The following CCDC91 variants were observed in gnomAD, a reference collection of about 807,000 sequenced individuals.
CCDC91 encodes the protein coiled-coil domain containing 91.
In CCDC91, 48 loss-of-function variants were observed where a neutral mutation model predicts 63.2. The ratio of observed to expected loss-of-function variants is 0.76; its 90% CI spans 0.60 to 0.97. CCDC91 has a LOEUF of 0.97. Ranked by LOEUF, CCDC91 falls within the 50% of genes least tolerant of loss-of-function variation. CCDC91 has a pLI of 0.00. For missense variants in CCDC91, 500 were observed against 494.6 expected (o/e 1.01, Z -0.10); for synonymous variants, 167 against 165.8 (o/e 1.01, Z -0.06).
chr12:28,518,153 A>G (rs1032768082), intron 12 of CCDC91, among the ~76,000 whole-genome samples: 1 of 151,984 alleles, frequency 6.6e-6, no homozygotes, highest in African/African-American at 2.4e-5. Context: ...GATACCCAGT[A>G]GTGGGATTGC....
intron 1 of CCDC91, among the ~76,000 whole-genome samples, chr12:28,202,500 C>T (rs1942535711): frequency 6.6e-6 from 1 of 152,158 alleles, no homozygotes. Flanking sequence ...TTATGTGTGG[C>T]CACCAAAGTC....
intron 3 of CCDC91, among the ~76,000 whole-genome samples, chr12:28,299,402 C>T (rs1439797542): frequency 6.6e-6 from 1 of 151,234 alleles, no homozygotes; most frequent in Non-Finnish European, 1.5e-5. Flanking sequence ...ATACTATGTC[C>T]CAAAGTAACT....
intron 12 of CCDC91, among the ~76,000 whole-genome samples, chr12:28,510,257 G>GTGTGTGTGTGTGTA (rs1481930938): frequency 6.6e-6 from 1 of 150,798 alleles, no homozygotes; most frequent in African/African-American, 2.5e-5. Flanking sequence ...GTGTGTGTGT[G>GTGTGTGTGTGTGTA]TAGAAAGAGA....
intron 1 of CCDC91, among the ~76,000 whole-genome samples, chr12:28,215,181 T>C (rs1451823176): frequency 6.6e-6 from 1 of 152,192 alleles, no homozygotes; most frequent in African/African-American, 2.4e-5. Context: ...TTGGCTTTTC[T>C]AGTTCTCAGG....
chr12:28,252,697 T>C (rs1289680799), intron 1 of CCDC91, among the ~76,000 whole-genome samples: 1 of 152,140 alleles, frequency 6.6e-6, no homozygotes, highest in Admixed American at 6.6e-5. Context: ...CTTTCTTGGA[T>C]AGTCTTTGTT....
intron 11 of CCDC91, among the ~76,000 whole-genome samples, chr12:28,463,448 C>T (rs1413482707): frequency 2.6e-5 from 4 of 152,140 alleles, no homozygotes; most frequent in Non-Finnish European, 2.9e-5. Flanking sequence ...GGAAGATGAA[C>T]TGGACAGCCT....
intron 10 of CCDC91, 71 bp from the exon 11 acceptor site, chr12:28,452,407 A>G: frequency 2.8e-6 from 3 of 1,083,732 alleles, no homozygotes; most frequent in Non-Finnish European, 4.0e-6. Context: ...CTTTTAGGTT[A>G]ACCAAGTCTG....
At chr12:28,522,552 G>T (rs537481020) in intron 12 of CCDC91, among the ~76,000 whole-genome samples, 1 of 152,100 alleles carries the variant, frequency 6.6e-6, no homozygotes, top group Admixed American at 6.6e-5. Flanking sequence ...TTTTTGAAGG[G>T]TTTTCTGTGT....
At chr12:28,427,934 C>G (rs112910720) in intron 8 of CCDC91, among the ~76,000 whole-genome samples, 4 of 152,086 alleles carry the variant, frequency 2.6e-5, no homozygotes, top group African/African-American at 9.6e-5. Flanking sequence ...TTTTGGAAGG[C>G]CTTTCTTACA....
chr12:28,367,831 A>C (rs1481188531), intron 7 of CCDC91, among the ~76,000 whole-genome samples: 1 of 152,084 alleles, frequency 6.6e-6, no homozygotes, highest in Non-Finnish European at 1.5e-5. Flanking sequence ...TGAACTTTGA[A>C]TATGGCAAAT....
At chr12:28,386,589 G>A (rs573172454) in intron 7 of CCDC91, among the ~76,000 whole-genome samples, 5 of 152,148 alleles carry the variant, frequency 3.3e-5, no homozygotes, top group South Asian at 2.1e-4. Flanking sequence ...GGCTGGTCTC[G>A]AACTGCCAAC....
At chr12:28,225,356 AT>A (rs1181156392) in intron 1 of CCDC91, among the ~76,000 whole-genome samples, 2 of 152,058 alleles carry the variant, frequency 1.3e-5, no homozygotes, top group Admixed American at 6.6e-5. Context: ...TATTAAGGTA[AT>A]TTTTAAAAGT....
intron 3 of CCDC91, among the ~76,000 whole-genome samples, chr12:28,271,711 T>G (rs992713943): frequency 6.6e-6 from 1 of 151,924 alleles, no homozygotes; most frequent in African/African-American, 2.4e-5. Flanking sequence ...TAAGCATTCT[T>G]AACTCACTAA....
intron 1 of CCDC91, among the ~76,000 whole-genome samples, chr12:28,222,949 C>A (rs1423436020): frequency 6.6e-6 from 1 of 152,150 alleles, no homozygotes; most frequent in East Asian, 1.9e-4. Flanking sequence ...AAAATTGTTT[C>A]TTTTGTGAAC....
rs576951316 is a variant in CCDC91, at chr12:28,305,882, A to C, written c.267+76A>C. The C allele has an allele frequency of 2.3e-5, 29 of 1,288,760 alleles. No individual in the cohort carries two copies. In the African/African-American group the frequency reaches 4.1e-4, roughly 18 times the overall value. The allele number at this position is 1,288,760 out of a possible 1,614,324, so 79.8% of individuals were successfully genotyped here. A position where few individuals can be genotyped will look rare whatever the true frequency, so the allele number is the denominator to read the frequency against. ...TGCTAATTTAATTGTTGCTTTTTTAATTTCTTTTTTAGCCTATTTGTCTAA... is the reference window on the plus strand; with the variant it reads ...TGCTAATTTAATTGTTGCTTTTTTACTTTCTTTTTTAGCCTATTTGTCTAA... On this transcript the variant is annotated intron_variant, in intron 4 of 12. Coordinates refer to ENST00000536442, the MANE Select transcript of CCDC91 (RefSeq NM_018318.5).
chr12:28,497,078 A>C (rs1346316836), intron 12 of CCDC91, among the ~76,000 whole-genome samples: 1 of 150,880 alleles, frequency 6.6e-6, no homozygotes, highest in African/African-American at 2.4e-5. Context: ...TTTTCATAGA[A>C]TGATGGCCAC....
chr12:28,522,036 T>C (rs943220891), intron 12 of CCDC91, among the ~76,000 whole-genome samples: 3 of 152,196 alleles, frequency 2.0e-5, no homozygotes, highest in African/African-American at 7.2e-5. Flanking sequence ...AAAATTCTGT[T>C]TTTTATTGTG....
intron 11 of CCDC91, among the ~76,000 whole-genome samples, chr12:28,475,945 A>G (rs1951062598): frequency 1.3e-5 from 2 of 152,024 alleles, no homozygotes; most frequent in Non-Finnish European, 2.9e-5. Context: ...TTCTGATTAT[A>G]CAGGCTTGTT....
At chr12:28,202,965 CTT>C (rs774092838) in intron 1 of CCDC91, among the ~76,000 whole-genome samples, 53 of 152,262 alleles carry the variant, frequency 3.5e-4, no homozygotes, top group Admixed American at 1.2e-3. Flanking sequence ...TGGACAAGCT[CTT>C]AGGTCAAATA....
Sources: allele counts gnomAD v4.1 joint callset (sites outside exome capture counted in the v4.1 genomes callset), GRCh38; gene constraint gnomAD v4.1.1; transcripts MANE v1.5; gene names NCBI Gene and HGNC (gene_info 2026-07-23, HGNC 2026-07-21).